DOCK5: variants seen among roughly 807,000 people sequenced by gnomAD.
The protein encoded by DOCK5 is dedicator of cytokinesis protein 5.
In DOCK5, 142 loss-of-function variants were observed where a neutral mutation model predicts 251.8. That is an observed-to-expected ratio of 0.56 (90% CI 0.49 to 0.65). DOCK5 has a LOEUF of 0.65. Among genes scored for constraint, DOCK5 ranks in the 30% least tolerant of loss-of-function variants. The probability of loss-of-function intolerance (pLI) is 0.00; values close to 1 mark genes in which losing one functional copy is unlikely to be tolerated. For missense variants in DOCK5, 2,111 were observed against 2,312.3 expected, an observed-to-expected ratio of 0.91 and a Z score of 1.79; for synonymous variants, 842 against 835.5, an observed-to-expected ratio of 1.01 and a Z score of -0.13.
intron 1 of DOCK5, among the ~76,000 whole-genome samples, chr8:25,228,706 AT>A (rs1802591438): frequency 7.3e-6 from 1 of 136,802 alleles, no homozygotes; most frequent in Non-Finnish European, 1.6e-5. Context: ...TTAATTTTTC[AT>A]TTTCAAGCTA....
At chr8:25,382,608 G>A in intron 39 of DOCK5, 66 bp from the exon 40 acceptor site, 1 of 1,315,920 alleles carries the variant, frequency 7.6e-7, no homozygotes, top group Non-Finnish European at 1.1e-6. Context: ...AACAAAGTCT[G>A]ACTTTTTTTT....
intron 5 of DOCK5, among the ~76,000 whole-genome samples, chr8:25,290,140 G>A (rs1415882839): frequency 6.6e-6 from 1 of 151,708 alleles, no homozygotes; most frequent in Non-Finnish European, 1.5e-5. Flanking sequence ...GATCCTTGAG[G>A]GCAGAAACTT....
At chr8:25,255,801 T>G (rs1803406273) in intron 2 of DOCK5, among the ~76,000 whole-genome samples, 1 of 152,208 alleles carries the variant, frequency 6.6e-6, no homozygotes, top group Admixed American at 6.5e-5. Context: ...TTCTGTACCT[T>G]CTGCTCAGTT....
chr8:25,251,809 C>T (rs1586266076), intron 2 of DOCK5, among the ~76,000 whole-genome samples: 2 of 152,168 alleles, frequency 1.3e-5, no homozygotes, highest in East Asian at 3.9e-4. Flanking sequence ...GCCAACATGG[C>T]AAAACCCTGT....
In DOCK5 at chr8:25,194,181, C is replaced by T. The variant is rs149675401; in HGVS notation, c.43+9230C>T. 1.8e-3 allele frequency among the ~76,000 whole-genome samples: 278 copies of T among 151,544 alleles called. 1 individual carries two copies. The highest frequency in any genetic ancestry group is 6.4e-3 in the African/African-American group (265 of 41,314). On this transcript the variant is annotated intron_variant, in intron 1 of 51. Coordinates refer to ENST00000276440, the MANE Select transcript of DOCK5 (RefSeq NM_024940.8). ...TGGCGGTGCTCACCTGTCATTGCAG[C>T]TACTAGGGAGGCTGAGGTAGGAGAA... is the stretch of plus-strand genomic sequence containing the variant.
chr8:25,184,861 G>T lies in DOCK5; in HGVS notation c.-48G>T. Reference sequence around the variant, plus strand: ...GGGGCGGCGGCGGCCGGAGCCCGAGGAGCTGTAGCAGCCTTAGTCGCCGCC... The same window carrying T: ...GGGGCGGCGGCGGCCGGAGCCCGAGTAGCTGTAGCAGCCTTAGTCGCCGCC... On this transcript the variant is annotated 5_prime_UTR_variant, in exon 1 of 52. An upstream open reading frame in the 5' UTR gains an earlier in-frame stop. Transcript: ENST00000276440. 7.6e-7 allele frequency: 1 copy of T among 1,307,562 alleles called. No individual in the cohort carries two copies. 81.0% of individuals were successfully genotyped at this position (1,307,562 alleles called of 1,614,324 possible). A position where few individuals can be genotyped will look rare whatever the true frequency, so the allele number is the denominator to read the frequency against.
chr8:25,369,566 A>G lies in DOCK5; in HGVS notation c.3449A>G (p.Glu1150Gly). 6.2e-7 allele frequency: 1 copy of G among 1,610,132 alleles called. No individual in the cohort carries two copies. Among genetic ancestry groups the G allele is most frequent in the Non-Finnish European group, 8.5e-7 (1 of 1,178,146 alleles). The part of the protein sequence containing the change: ...GNGNFHMFEN[E>G]LITKLDQEVE... ...TGCCTCTACTTTCAGTTTGAGAATG[A>G]GCTGATCACAAAGCTGGACCAGGAG... Residue 1150 changes from glutamate to glycine, a missense_variant, in exon 34 of 52, where the codon GAG (glutamate) becomes GGG (glycine). This residue lies in a region of DOCK5 where 1,717 missense variants were observed against 1,892.4 expected (regional missense o/e 0.91). Transcript: ENST00000276440.
At chr8:25,376,419 A>T in intron 37 of DOCK5, 1 of 965,568 alleles carries the variant, frequency 1.0e-6, no homozygotes, top group Non-Finnish European at 1.2e-6. Context: ...CTCTTTCTAG[A>T]TTGTATATGC....
At chr8:25,375,404 TC>T (rs1800946413) in intron 37 of DOCK5, 2 of 119,652 alleles carry the variant, frequency 1.7e-5, no homozygotes, top group Admixed American at 1.7e-4. Flanking sequence ...TCTTTTTCTT[TC>T]TTTATTTTTT....
At chr8:25,359,187 C>G in intron 28 of DOCK5, 126 bp downstream of exon 28, 2 of 755,844 alleles carry the variant, frequency 2.6e-6, no homozygotes, top group Non-Finnish European at 4.5e-6. Context: ...ATGTGGCTGT[C>G]CACAGTGATT....
intron 27 of DOCK5, among the ~76,000 whole-genome samples, chr8:25,356,907 TTATATATATA>T (rs34216387): frequency 0.1 from 13,529 of 131,192 alleles, 913 homozygotes; most frequent in South Asian, 0.12. Flanking sequence ...TATATGAAGA[TTATATATATA>T]TATATATATA....
intron 34 of DOCK5, among the ~76,000 whole-genome samples, chr8:25,371,286 G>A (rs1298766833): frequency 1.3e-5 from 2 of 152,030 alleles, no homozygotes; most frequent in Non-Finnish European, 2.9e-5. Flanking sequence ...TCTTGACCTC[G>A]TGATCCACCT....
chr8:25,230,457 A>G (rs756476353), intron 1 of DOCK5, among the ~76,000 whole-genome samples: 3 of 152,182 alleles, frequency 2.0e-5, no homozygotes, highest in Non-Finnish European at 4.4e-5. Flanking sequence ...AATTATGTAA[A>G]CAGGTTTCCT....
chr8:25,374,920 A>AC, intron 37 of DOCK5: 1 of 1,280,002 alleles, frequency 7.8e-7, no homozygotes, highest in Non-Finnish European at 1.0e-6. Context: ...AAAGCAATAA[A>AC]ACACACATTG....
chr8:25,189,533 G>C (rs1293778007), intron 1 of DOCK5, among the ~76,000 whole-genome samples: 2 of 152,006 alleles, frequency 1.3e-5, no homozygotes, highest in African/African-American at 4.8e-5. Flanking sequence ...GTTGATTTTT[G>C]TATTTTTTGT....
chr8:25,390,773 A>G (rs768822059), intron 42 of DOCK5, among the ~76,000 whole-genome samples: 75 of 152,032 alleles, frequency 4.9e-4, no homozygotes, highest in Admixed American at 3.0e-3. Context: ...AAACTAGACT[A>G]ATGAGATCAC....
At chr8:25,346,981 G>A (rs1800382348) in intron 26 of DOCK5, among the ~76,000 whole-genome samples, 1 of 152,096 alleles carries the variant, frequency 6.6e-6, no homozygotes, top group Non-Finnish European at 1.5e-5. Context: ...GAAAAAAAAA[G>A]CATCTTACCA....
At chr8:25,318,948 G>A (rs577534365) in intron 14 of DOCK5, among the ~76,000 whole-genome samples, 6 of 152,248 alleles carry the variant, frequency 3.9e-5, no homozygotes, top group African/African-American at 1.4e-4. Context: ...TGCATGAGAG[G>A]GAGAAACTGA....
At chr8:25,296,689 C>CTTGG in intron 7 of DOCK5, 41 bp downstream of exon 7, 1 of 1,601,428 alleles carries the variant, frequency 6.2e-7, no homozygotes, top group Non-Finnish European at 8.5e-7. Context: ...ACTGAGGTTC[C>CTTGG]ATTTTTGCCT....
Sources: gnomAD v4.1 joint callset for allele counts (sites outside exome capture counted in the v4.1 genomes callset) on GRCh38, gnomAD v4.1.1 for gene constraint, gnomAD v4.1.1 regional missense constraint, MANE v1.5 for transcripts, NCBI Gene and HGNC (gene_info 2026-07-23, HGNC 2026-07-21) for gene names.